Variants in ACSL1 observed in about 807,000 individuals in gnomAD.
ACSL1 encodes long-chain-fatty-acid--CoA ligase 1.
A neutral mutation model predicts 98.4 loss-of-function variants in ACSL1; 41 were observed. The observed-to-expected ratio is 0.42, with a 90% confidence interval of 0.32 to 0.54. The LOEUF (loss-of-function observed/expected upper bound fraction) is 0.54, where lower values mean the gene tolerates loss of function less well. Among genes scored for constraint, ACSL1 ranks in the 20% least tolerant of loss-of-function variants. The probability of loss-of-function intolerance (pLI) is 0.13; values close to 1 mark genes in which losing one functional copy is unlikely to be tolerated. For synonymous variants in ACSL1, 316 were observed against 322.7 expected, an observed-to-expected ratio of 0.98 and a Z score of 0.22; for missense variants, 734 against 883.1, an observed-to-expected ratio of 0.83 and a Z score of 2.14.
chr4:184,808,780 C>A (rs936464113), intron 1 of ACSL1, among the ~76,000 whole-genome samples: 5 of 152,172 alleles, frequency 3.3e-5, no homozygotes, highest in African/African-American at 1.2e-4. Flanking sequence ...ACCAAAAGAG[C>A]AGTCAGGCTC....
chr4:184,813,065 C>T (rs1255563175), intron 1 of ACSL1, among the ~76,000 whole-genome samples: 1 of 152,184 alleles, frequency 6.6e-6, no homozygotes, highest in Non-Finnish European at 1.5e-5. Context: ...TATAGCTCTC[C>T]TCCCTTCTCT....
intron 2 of ACSL1, among the ~76,000 whole-genome samples, chr4:184,793,029 C>T (rs962972683): frequency 3.9e-5 from 6 of 152,084 alleles, no homozygotes; most frequent in African/African-American, 1.4e-4. Context: ...GATCAGCAGG[C>T]AGTGTGTGTG....
intron 2 of ACSL1, 69 bp from the exon 3 acceptor site, chr4:184,788,800 C>T (rs1384306129): frequency 1.9e-5 from 23 of 1,184,550 alleles, no homozygotes; most frequent in Non-Finnish European, 2.6e-5. Context: ...ATGGCTAAAT[C>T]AAGCTAATTA....
chr4:184,760,532 G>C (rs753433433), intron 17 of ACSL1, 32 bp from the exon 18 acceptor site: 2 of 1,611,702 alleles, frequency 1.2e-6, no homozygotes, highest in Admixed American at 1.7e-5. Flanking sequence ...GTTATGAATG[G>C]GCTGATGGCT....
At chr4:184,824,259 G>A (rs1773286480) in intron 1 of ACSL1, among the ~76,000 whole-genome samples, 1 of 152,036 alleles carries the variant, frequency 6.6e-6, no homozygotes, top group South Asian at 2.1e-4. Flanking sequence ...TCGAGTAGCT[G>A]GGACTAGAGA....
chr4:184,808,204 G>T, intron 1 of ACSL1: 1 of 670,022 alleles, frequency 1.5e-6, no homozygotes, highest in Non-Finnish European at 1.8e-6. Context: ...TGACTCACAA[G>T]GACATCATTC....
At chr4:184,820,475 C>G (rs1187199108) in intron 1 of ACSL1, among the ~76,000 whole-genome samples, 1 of 152,214 alleles carries the variant, frequency 6.6e-6, no homozygotes, top group Non-Finnish European at 1.5e-5. Context: ...TCTTTCAGCA[C>G]TCTAGTGGTA....
At chr4:184,770,285 T>A in intron 11 of ACSL1, 114 bp downstream of exon 11, 1 of 1,549,796 alleles carries the variant, frequency 6.5e-7, no homozygotes, top group African/African-American at 1.4e-5. Flanking sequence ...TGTGAGCAAG[T>A]GGTAAATATG....
At chr4:184,809,479 T>C (rs907868436) in intron 1 of ACSL1, among the ~76,000 whole-genome samples, 8 of 152,204 alleles carry the variant, frequency 5.3e-5, no homozygotes, top group Non-Finnish European at 1.0e-4. Flanking sequence ...TAAATTACTT[T>C]AGAAATACTG....
intron 2 of ACSL1, among the ~76,000 whole-genome samples, chr4:184,794,429 A>G (rs1768972773): frequency 6.6e-6 from 1 of 152,240 alleles, no homozygotes; most frequent in Non-Finnish European, 1.5e-5. Flanking sequence ...CAAGGTAACA[A>G]TGAGGCCTCA....
chr4:184,806,293 A>G (rs1771412303), intron 1 of ACSL1, among the ~76,000 whole-genome samples: 2 of 152,242 alleles, frequency 1.3e-5, no homozygotes, highest in South Asian at 4.1e-4. Context: ...CAGATTTCAG[A>G]AACAGTATTG....
At chr4:184,767,283 C>CA (rs59005386) in intron 12 of ACSL1, among the ~76,000 whole-genome samples, 27,830 of 95,284 alleles carry the variant, frequency 0.29, 3,258 homozygotes, top group Middle Eastern at 0.39. Flanking sequence ...GACCCTGTCT[C>CA]AAAAAAAAAA....
intron 4 of ACSL1, among the ~76,000 whole-genome samples, chr4:184,783,132 T>C (rs1440936761): frequency 1.3e-5 from 2 of 152,136 alleles, no homozygotes; most frequent in African/African-American, 4.8e-5. Context: ...CGGGGTGCCG[T>C]GTGGACTGGG....
At chr4:184,805,635 C>T in intron 1 of ACSL1, 1 of 456,594 alleles carries the variant, frequency 2.2e-6, no homozygotes, top group Non-Finnish European at 2.9e-6. Context: ...CTGCGCTCCC[C>T]CAGCCTACCA....
intron 3 of ACSL1, among the ~76,000 whole-genome samples, chr4:184,785,669 G>A (rs1767160710): frequency 1.4e-5 from 2 of 139,722 alleles, no homozygotes; most frequent in African/African-American, 5.2e-5. Flanking sequence ...AATGAGTACA[G>A]ATCAAGAAGA....
In ACSL1 at chr4:184,813,159, T is replaced by C. The variant is rs115559783; in HGVS notation, c.-32-9613A>G. Among the ~76,000 whole-genome samples, 9 of 152,280 alleles carry C rather than the reference T, an allele frequency of 5.9e-5. No homozygotes were observed. The South Asian group carries it at 1.0e-3, about 18-fold the overall frequency. ...AGTTAGGACATGCCCCATGACGATA[T>C]CCAGGTCATGTACAGCCTTTGCGTG... On this transcript the variant is annotated intron_variant, in intron 1 of 20. Coordinates refer to ENST00000281455, the MANE Select transcript of ACSL1 (RefSeq NM_001995.5).
chr4:184,766,058 G>GCAGGCC lies in ACSL1; in HGVS notation c.1264-73_1264-72insGGCCTG. 2 of 1,436,362 alleles carry GCAGGCC rather than the reference G, an allele frequency of 1.4e-6. No homozygotes were observed. Among genetic ancestry groups the GCAGGCC allele is most frequent in the Non-Finnish European group, 1.9e-6 (2 of 1,029,690 alleles). 89.0% of individuals were successfully genotyped at this position (1,436,362 alleles called of 1,614,324 possible). ...AGTCGGCGGCCTCTCCGCCAAGGGG[G>GCAGGCC]CCTGCTTGGGACCCCGTTCCCTAAC... On this transcript the variant is annotated intron_variant, in intron 13 of 20. Transcript: ENST00000281455. This position sits in a 1 kb window ranked among gnomAD's most constrained non-coding sequence, Gnocchi z 4.8.
In ACSL1 at chr4:184,825,061, G is replaced by T; in HGVS notation, c.-33+855C>A. On this transcript the variant is annotated intron_variant, in intron 1 of 20. Transcript: ENST00000281455. This position sits in a 1 kb window ranked among gnomAD's most constrained non-coding sequence, Gnocchi z 4.7. The stretch of plus-strand genomic sequence containing the variant: ...TGCACCAAGAAGCTTAAAAGTCTTA[G>T]CCAGGGCACTAGAGAACGCTTTTAG... The T allele has an allele frequency of 6.2e-6, 3 of 486,918 alleles. No homozygotes were observed. Among genetic ancestry groups the T allele is most frequent in the South Asian group, 8.7e-5 (1 of 11,480 alleles). 30.2% of individuals were successfully genotyped at this position (486,918 alleles called of 1,614,324 possible).
chr4:184,776,501 T>C lies in ACSL1; in HGVS notation c.739A>G (p.Ser247Gly). 1 of 1,613,250 alleles carries C rather than the reference T, an allele frequency of 6.2e-7. No homozygotes were observed. The highest frequency in any genetic ancestry group is 1.3e-5 in the African/African-American group (1 of 75,018). ...RGQRCGVEVT[S>G]MKAMEDLGRA... The stretch of plus-strand genomic sequence containing the variant: ...GCACTCACCTCCATCGCCTTCATGC[T>C]GGTGACTTCCACCCCACACCTCTGG... Residue 247 changes from serine (S) to glycine (G), a missense_variant, in exon 7 of 21, where the codon AGC becomes GGC. By Grantham distance (56) the Ser-to-Gly change is moderately conservative. Coordinates refer to ENST00000281455, the MANE Select transcript of ACSL1 (RefSeq NM_001995.5).
Sources: allele counts gnomAD v4.1 joint callset (sites outside exome capture counted in the v4.1 genomes callset), GRCh38; gene constraint gnomAD v4.1.1; non-coding constraint Gnocchi (gnomAD v3.1); transcripts MANE v1.5; gene names NCBI Gene and HGNC (gene_info 2026-07-23, HGNC 2026-07-21).